Variants in PCDHGA7 observed in about 807,000 individuals in gnomAD.
PCDHGA7 encodes protocadherin gamma-A7.
Under a neutral mutation model 58.3 loss-of-function variants are expected in PCDHGA7, and 44 were observed. The observed-to-expected ratio is 0.75, with a 90% CI of 0.59 to 0.97. PCDHGA7 has a LOEUF of 0.97. Ranked by LOEUF, PCDHGA7 falls within the 50% of genes least tolerant of loss-of-function variation. The pLI is 0.00. For missense variants in PCDHGA7, 1,266 were observed against 1,188.7 expected, an observed-to-expected ratio of 1.06 and a Z score of -0.96; for synonymous variants, 516 against 504.2, an observed-to-expected ratio of 1.02 and a Z score of -0.31.
chr5:141,498,967 GGGAGGGAAGGAAGGAA>G (rs1333462541), intron 2 of PCDHGA7, among the ~76,000 whole-genome samples: 8 of 129,672 alleles, frequency 6.2e-5, no homozygotes, highest in East Asian at 2.2e-4. Context: ...GAGGGAGGGA[GGGAGGGAAGGAAGGAA>G]GGAAGGAAGG....
intron 1 of PCDHGA7, chr5:141,419,661 A>G (rs1363084793): frequency 2.5e-6 from 4 of 1,612,714 alleles, no homozygotes; most frequent in East Asian, 2.2e-5. Flanking sequence ...TCGGGGCACA[A>G]TGCCTGGCTG....
rs1246204844 is a variant in PCDHGA7, at chr5:141,419,493, A to T, written c.2424+34170A>T. On this transcript the variant is annotated intron_variant, in intron 1 of 3. Coordinates refer to ENST00000518325, the MANE Select transcript of PCDHGA7 (RefSeq NM_018920.4). ...CAGGGCTCGCCCGCGCTCAGCGCCA[A>T]TGTGAGCCTGCGCGTGTTGGTGGGC... 3 of 1,612,264 alleles carry T rather than the reference A, an allele frequency of 1.9e-6. No individual in the cohort carries two copies. The African/African-American group carries it at 4.0e-5, about 22-fold the overall frequency.
rs1222348421 is a variant in PCDHGA7, at chr5:141,511,044, C to T, written c.2670C>T (p.Asp890=). 1 of 1,614,128 alleles carries T rather than the reference C, an allele frequency of 6.2e-7. No homozygotes were observed. The highest frequency in any genetic ancestry group is 1.3e-5 in the African/African-American group (1 of 74,940). ...GPQFTLQHVP[D]YRQNVYIPGS... is the part of the protein sequence containing the mutation. ...AGTTCACCCTGCAGCACGTGCCCGA[C>T]TACCGCCAGAATGTCTACATCCCAG... The change falls in exon 4 of 4, where the codon GAC becomes GAT. Residue 890 remains aspartate, a synonymous_variant. Coordinates refer to ENST00000518325, the MANE Select transcript of PCDHGA7 (RefSeq NM_018920.4).
At chr5:141,470,201 G>C (rs2154570565) in intron 1 of PCDHGA7, among the ~76,000 whole-genome samples, 1 of 152,274 alleles carries the variant, frequency 6.6e-6, no homozygotes, top group Non-Finnish European at 1.5e-5. Flanking sequence ...AGATAAATAT[G>C]AAGGCTAAAC....
At chr5:141,397,241 A>G (rs907539043) in intron 1 of PCDHGA7, among the ~76,000 whole-genome samples, 1 of 152,232 alleles carries the variant, frequency 6.6e-6, no homozygotes, top group Admixed American at 6.5e-5. Context: ...AGAGCAACGT[A>G]GTAGGGTATA....
chr5:141,436,931 G>A (rs1026520169), intron 1 of PCDHGA7, among the ~76,000 whole-genome samples: 1 of 152,114 alleles, frequency 6.6e-6, no homozygotes, highest in Non-Finnish European at 1.5e-5. Context: ...CTTTTTCTTT[G>A]TCTGAACCAT....
At chr5:141,499,835 C>T (rs931946377) in intron 2 of PCDHGA7, among the ~76,000 whole-genome samples, 2 of 151,916 alleles carry the variant, frequency 1.3e-5, no homozygotes, top group Admixed American at 6.6e-5. Flanking sequence ...TACAGGTGTG[C>T]ACCACCACAC....
chr5:141,472,308 G>A (rs897967832), intron 1 of PCDHGA7, among the ~76,000 whole-genome samples: 6 of 152,074 alleles, frequency 3.9e-5, no homozygotes, highest in South Asian at 4.1e-4. Context: ...TTGGGAAGCC[G>A]AGGCAGGCAG....
Position 141,477,902 on chromosome 5 carries a change from T to A in PCDHGA7, c.2425-16905T>A. ...CCACCTAGTGTCACGGGTGGTAGGC[T>A]GGGACGCGGATGCAGGGCACAATGC... On this transcript the variant is annotated intron_variant, in intron 1 of 3. Transcript: ENST00000518325. The surrounding 1 kb of genome is among the most constrained non-coding windows in gnomAD (Gnocchi z 4.9). The A allele has an allele frequency of 6.2e-7, 1 of 1,614,176 alleles. No homozygotes were observed. Among genetic ancestry groups the A allele is most frequent in the Non-Finnish European group, 8.5e-7 (1 of 1,180,028 alleles).
At chr5:141,422,333 T>C in intron 1 of PCDHGA7, 1 of 1,549,594 alleles carries the variant, frequency 6.5e-7, no homozygotes, top group Non-Finnish European at 8.7e-7. Flanking sequence ...GTGATTGCTC[T>C]TCTAAATGTG....
chr5:141,506,207 TTGGGAAGCTGAG>T (rs1487107822), intron 3 of PCDHGA7, among the ~76,000 whole-genome samples: 1 of 152,020 alleles, frequency 6.6e-6, no homozygotes, highest in Non-Finnish European at 1.5e-5. Flanking sequence ...TCCCAGCACT[TTGGGAAGCTGAG>T]GCAGGAGGAT....
chr5:141,409,508 A>G, intron 1 of PCDHGA7: 2 of 1,614,022 alleles, frequency 1.2e-6, no homozygotes, highest in Non-Finnish European at 1.7e-6. Context: ...TTCTTCCAGT[A>G]GAAGCATCAC....
chr5:141,414,222 A>G lies in PCDHGA7; in HGVS notation c.2424+28899A>G, dbSNP rs1038407271. 3.7e-6 allele frequency: 6 copies of G among 1,613,316 alleles called. No individual in the cohort carries two copies. The African/African-American group carries it at 5.3e-5, about 14-fold the overall frequency. On this transcript the variant is annotated intron_variant, in intron 1 of 3. Coordinates refer to ENST00000518325, the MANE Select transcript of PCDHGA7 (RefSeq NM_018920.4). ...TAGAAGATGTAAATGACAACAGTCC[A>G]GAGCTGACCATCACGTCTCTATTTA...
rs1012728568 is a variant in PCDHGA7 at position 141,495,487 on chromosome 5, T to C, written c.2483+622T>C. Among the ~76,000 whole-genome samples, 22 of 152,328 alleles carry C rather than the reference T, an allele frequency of 1.4e-4. 1 individual carries two copies. The East Asian group carries it at 4.1e-3, about 28-fold the overall frequency. ...GGGGTCTCCGTGTCTCTGCCCCTTT[T>C]TCTTGAGTTTCCGTCTTTGCCACTT... On this transcript the variant is annotated intron_variant, in intron 2 of 3. Coordinates refer to ENST00000518325, the MANE Select transcript of PCDHGA7 (RefSeq NM_018920.4).
chr5:141,392,836 C>G, intron 1 of PCDHGA7: 1 of 1,608,040 alleles, frequency 6.2e-7, no homozygotes, highest in Non-Finnish European at 8.5e-7. Flanking sequence ...CAGAGTCGCC[C>G]CAGACGCGGC....
rs777668071 is a variant in PCDHGA7 at position 141,491,848 on chromosome 5, C to G, written c.2425-2959C>G. The G allele has an allele frequency of 3.4e-6, 5 of 1,461,482 alleles. No homozygotes were observed. The highest frequency in any genetic ancestry group is 4.5e-6 in the Non-Finnish European group (5 of 1,104,578). 90.5% of individuals were successfully genotyped at this position (1,461,482 alleles called of 1,614,324 possible). A position where few individuals can be genotyped will look rare whatever the true frequency, so the allele number is the denominator to read the frequency against. ...CACCCGATTCTCGGGATCATTGGAC[C>G]GTTTGCGCGAAACCAGAGTGGCCGA... On this transcript the variant is annotated intron_variant, in intron 1 of 3. Transcript: ENST00000518325. The surrounding 1 kb of genome is among the most constrained non-coding windows in gnomAD (Gnocchi z 6.9).
chr5:141,421,082 C>A, intron 1 of PCDHGA7: 1 of 640,114 alleles, frequency 1.6e-6, no homozygotes, highest in Non-Finnish European at 2.6e-6. Flanking sequence ...TGGATACTCA[C>A]AGATCCTGAC....
intron 1 of PCDHGA7, chr5:141,394,337 C>T (rs2092979975): frequency 7.4e-6 from 12 of 1,614,148 alleles, no homozygotes; most frequent in Non-Finnish European, 1.0e-5. Flanking sequence ...TCTCCATCAA[C>T]TCTGACACCG....
At position 141,477,984 on chromosome 5, in the gene PCDHGA7, T is replaced by A; in HGVS notation, c.2425-16823T>A. On this transcript the variant is annotated intron_variant, in intron 1 of 3. Coordinates refer to ENST00000518325, the MANE Select transcript of PCDHGA7 (RefSeq NM_018920.4). This position sits in a 1 kb window ranked among gnomAD's most constrained non-coding sequence, Gnocchi z 4.9. ...AACCAGAGCCTTTTTGCCATAGGGC[T>A]GCACACTGGTCAAATCAGTACTGCC... 6.2e-7 allele frequency: 1 copy of A among 1,614,146 alleles called. No homozygotes were observed. The highest frequency in any genetic ancestry group is 8.5e-7 in the Non-Finnish European group (1 of 1,180,028).
Sources: gnomAD v4.1 joint callset for allele counts (sites outside exome capture counted in the v4.1 genomes callset) on GRCh38, gnomAD v4.1.1 for gene constraint, Gnocchi (gnomAD v3.1) non-coding constraint, MANE v1.5 for transcripts, NCBI Gene and HGNC (gene_info 2026-07-23, HGNC 2026-07-21) for gene names.